The following MEOX2 variants were observed in gnomAD, a reference collection of about 807,000 sequenced individuals.
MEOX2 encodes mesenchyme homeobox 2.
Under a neutral mutation model 27.0 loss-of-function variants are expected in MEOX2, and 11 were observed. The ratio of observed to expected loss-of-function variants is 0.41; its 90% CI spans 0.26 to 0.68. The LOEUF is 0.68. Among genes scored for constraint, MEOX2 ranks in the 30% least tolerant of loss-of-function variants. The probability of loss-of-function intolerance (pLI) is 0.33; values close to 1 mark genes in which losing one functional copy is unlikely to be tolerated. For synonymous variants in MEOX2, 189 were observed against 155.4 expected, an observed-to-expected ratio of 1.22 and a Z score of -1.61; for missense variants, 436 against 385.4, an observed-to-expected ratio of 1.13 and a Z score of -1.10.
chr7:15,644,205 C>T (rs560663651), intron 1 of MEOX2, among the ~76,000 whole-genome samples: 220 of 152,176 alleles, frequency 1.4e-3, no homozygotes, highest in Non-Finnish European at 2.9e-3. Context: ...TTGTAGCTGC[C>T]CAGCCCAGTA....
intron 1 of MEOX2, among the ~76,000 whole-genome samples, chr7:15,653,346 A>G (rs1781769493): frequency 6.6e-6 from 1 of 151,758 alleles, no homozygotes; most frequent in African/African-American, 2.4e-5. Flanking sequence ...TATTGTTGAG[A>G]CTTGAGAGTT....
chr7:15,619,714 A>G (rs576284740), intron 2 of MEOX2, among the ~76,000 whole-genome samples: 4 of 152,158 alleles, frequency 2.6e-5, no homozygotes, highest in African/African-American at 9.6e-5. Flanking sequence ...ACCTATCTAC[A>G]TCAAAAGAAA....
At chr7:15,680,468 C>T (rs1407741897) in intron 1 of MEOX2, 2 of 151,962 alleles carry the variant, frequency 1.3e-5, no homozygotes, top group East Asian at 3.8e-4. Context: ...CATTAAAACA[C>T]ATAAAATATT....
rs780513538 is a variant in MEOX2, at chr7:15,686,271, A to G, written c.132T>C (p.Ser44=). ...ATCCCGCGATTATGCAAGATGAGGA[A>G]GAAGTAGAGAGCTCGGGGTAAGACA... The part of the protein sequence containing the change: ...DHMSYPELST[S]SSSCIIAGYP... The change falls in exon 1 of 3, where the codon TCT becomes TCC. Residue 44 remains serine (S), a synonymous_variant. Coordinates refer to ENST00000262041, the MANE Select transcript of MEOX2 (RefSeq NM_005924.5). 6.2e-7 allele frequency: 1 copy of G among 1,612,708 alleles called. No homozygotes were observed. Among genetic ancestry groups the G allele is most frequent in the Non-Finnish European group, 8.5e-7 (1 of 1,179,426 alleles).
chr7:15,624,854 AG>A (rs1753280468), intron 2 of MEOX2, among the ~76,000 whole-genome samples: 1 of 152,228 alleles, frequency 6.6e-6, no homozygotes, highest in African/African-American at 2.4e-5. Flanking sequence ...ACATTAAAAT[AG>A]TATGTATAGG....
chr7:15,617,994 G>A (rs1222240283), intron 2 of MEOX2, among the ~76,000 whole-genome samples: 2 of 151,982 alleles, frequency 1.3e-5, no homozygotes, highest in Admixed American at 6.6e-5. Context: ...AATTCCCCAC[G>A]ACAGATTTGA....
At chr7:15,619,589 T>A (rs1445280355) in intron 2 of MEOX2, among the ~76,000 whole-genome samples, 2 of 151,916 alleles carry the variant, frequency 1.3e-5, no homozygotes, top group Non-Finnish European at 2.9e-5. Flanking sequence ...TTTATTTGTG[T>A]GTGTGTGTAT....
chr7:15,654,311 G>A (rs972094975), intron 1 of MEOX2, among the ~76,000 whole-genome samples: 8 of 151,712 alleles, frequency 5.3e-5, no homozygotes, highest in African/African-American at 1.9e-4. Context: ...GATTTTGTTG[G>A]TAAATTCCAT....
At chr7:15,621,477 T>C (rs1364987463) in intron 2 of MEOX2, among the ~76,000 whole-genome samples, 2 of 152,160 alleles carry the variant, frequency 1.3e-5, no homozygotes, top group Admixed American at 6.5e-5. Flanking sequence ...AAGATGCAAA[T>C]GTAAGAGTGT....
intron 1 of MEOX2, among the ~76,000 whole-genome samples, chr7:15,673,422 A>T (rs1195901062): frequency 1.3e-5 from 2 of 152,132 alleles, no homozygotes; most frequent in African/African-American, 4.8e-5. Context: ...TAGAAATAAA[A>T]AATAAATCTG....
At chr7:15,636,767 T>A (rs1367028567) in intron 1 of MEOX2, among the ~76,000 whole-genome samples, 1 of 152,104 alleles carries the variant, frequency 6.6e-6, no homozygotes, top group Non-Finnish European at 1.5e-5. Context: ...ATTTATTTCC[T>A]ACAATCCTAG....
intron 2 of MEOX2, among the ~76,000 whole-genome samples, chr7:15,619,596 G>A (rs144935687): frequency 3.1e-3 from 467 of 151,902 alleles, no homozygotes; most frequent in Non-Finnish European, 4.7e-3. Flanking sequence ...GTGTGTGTGT[G>A]TATATATACA....
intron 1 of MEOX2, chr7:15,676,244 A>C (rs1310790638): frequency 6.6e-6 from 1 of 152,206 alleles, no homozygotes; most frequent in Non-Finnish European, 1.5e-5. Flanking sequence ...CAAATAATTA[A>C]AATATGTTCT....
At chr7:15,668,585 G>A (rs998226529) in intron 1 of MEOX2, among the ~76,000 whole-genome samples, 5 of 152,130 alleles carry the variant, frequency 3.3e-5, no homozygotes, top group Middle Eastern at 3.4e-3. Flanking sequence ...GGGTTCAAGC[G>A]ATTCTCCTGC....
chr7:15,683,049 G>T lies in MEOX2; in HGVS notation c.517+2837C>A, dbSNP rs57630899. ...GCTGCTAGAGTTTGCATATGTGTGTGTCCATGTGCATTTGTGGAGGGAAAG... is the reference window on the plus strand; with the variant it reads ...GCTGCTAGAGTTTGCATATGTGTGTTTCCATGTGCATTTGTGGAGGGAAAG... On this transcript the variant is annotated intron_variant, in intron 1 of 2. Coordinates refer to ENST00000262041, the MANE Select transcript of MEOX2 (RefSeq NM_005924.5). 5.5e-3 allele frequency among the ~76,000 whole-genome samples: 829 copies of T among 152,084 alleles called. 7 individuals carry two copies. Among genetic ancestry groups the T allele is most frequent in the African/African-American group, 0.019 (785 of 41,542 alleles).
chr7:15,623,691 A>AT, intron 2 of MEOX2, among the ~76,000 whole-genome samples: 1 of 152,158 alleles, frequency 6.6e-6, no homozygotes, highest in Non-Finnish European at 1.5e-5. Flanking sequence ...AATTTAAGAT[A>AT]TTTTGTGCAC....
At chr7:15,685,039 A>G (rs893722679) in intron 1 of MEOX2, among the ~76,000 whole-genome samples, 2 of 151,920 alleles carry the variant, frequency 1.3e-5, no homozygotes, top group African/African-American at 4.8e-5. Flanking sequence ...GCACCCTTGC[A>G]TACCCCTTTA....
intron 1 of MEOX2, among the ~76,000 whole-genome samples, chr7:15,638,438 T>C (rs1217528260): frequency 6.6e-6 from 1 of 152,192 alleles, no homozygotes; most frequent in Non-Finnish European, 1.5e-5. Flanking sequence ...TTCATTGGTC[T>C]CATATGCATT....
At chr7:15,630,494 G>C (rs1781383734) in intron 1 of MEOX2, among the ~76,000 whole-genome samples, 1 of 152,008 alleles carries the variant, frequency 6.6e-6, no homozygotes, top group African/African-American at 2.4e-5. Context: ...AAACGTATTA[G>C]CTCGTTTAAA....
Sources: gnomAD v4.1 joint callset for allele counts (sites outside exome capture counted in the v4.1 genomes callset) on GRCh38, gnomAD v4.1.1 for gene constraint, MANE v1.5 for transcripts, NCBI Gene and HGNC (gene_info 2026-07-23, HGNC 2026-07-21) for gene names.